Variants in KRIT1 observed in about 807,000 individuals in gnomAD.
KRIT1 encodes krev interaction trapped protein 1.
A neutral mutation model predicts 95.8 loss-of-function variants in KRIT1; 45 were observed. The ratio of observed to expected loss-of-function variants is 0.47; its 90% confidence interval spans 0.37 to 0.60. KRIT1 has a LOEUF of 0.60. KRIT1 is among the 20% of genes least tolerant of loss of function. KRIT1 has a pLI of 0.00. For missense variants in KRIT1, 788 were observed against 877.5 expected (o/e 0.90, Z 1.29); for synonymous variants, 282 against 278.8 (o/e 1.01, Z -0.11).
At position 92,199,945 on chromosome 7, in the gene KRIT1, A is replaced by T. The variant is rs1029443530; in HGVS notation, c.*791T>A. ...ATATCAGATTTACATTTTAACTAAG[A>T]CTTTTAAAAAAATGTTGAGAAATGT... On this transcript the variant is annotated 3_prime_UTR_variant, in exon 19 of 19. Coordinates refer to ENST00000394505, the MANE Select transcript of KRIT1 (RefSeq NM_194454.3). The T allele has an allele frequency of 6.6e-6, 1 of 152,334 alleles. No individual in the cohort carries two copies. Among genetic ancestry groups the T allele is most frequent in the Non-Finnish European group, 1.5e-5 (1 of 68,040 alleles). The allele number at this position is 152,334 out of a possible 1,614,324, so 9.4% of individuals were successfully genotyped here. A position where few individuals can be genotyped will look rare whatever the true frequency, so the allele number is the denominator to read the frequency against.
At chr7:92,236,332 G>C (rs528797769) in intron 7 of KRIT1, 81 bp downstream of exon 7, 4 of 889,800 alleles carry the variant, frequency 4.5e-6, no homozygotes, top group African/African-American at 1.7e-5. Flanking sequence ...TCTTCTCAAA[G>C]TGTCTGTATC....
rs1223084295 is a variant in KRIT1 at position 92,222,142 on chromosome 7, C to T, written c.1412-89G>A. On this transcript the variant is annotated intron_variant, in intron 13 of 18. Transcript: ENST00000394505. ...ACTTTGTATTAAACTGTCTGCACTT[C>T]TGTACTGAATACTCACAAATTAAAT... 2.9e-5 allele frequency: 28 copies of T among 960,118 alleles called. 2 individuals carry two copies. In the South Asian group the frequency reaches 3.2e-4, roughly 11 times the overall value. 59.5% of individuals were successfully genotyped at this position (960,118 alleles called of 1,614,324 possible).
intron 2 of KRIT1, among the ~76,000 whole-genome samples, chr7:92,244,415 A>G (rs958663870): frequency 6.6e-6 from 1 of 152,262 alleles, no homozygotes; most frequent in Non-Finnish European, 1.5e-5. Context: ...TTTAAAAGGT[A>G]AACAAATGTG....
At chr7:92,229,323 T>C (rs1796822906) in intron 10 of KRIT1, among the ~76,000 whole-genome samples, 1 of 152,150 alleles carries the variant, frequency 6.6e-6, no homozygotes, top group South Asian at 2.1e-4. Context: ...ACAGCTGCTC[T>C]GCACAGCAAA....
At chr7:92,231,195 C>T (rs1490738825) in intron 10 of KRIT1, among the ~76,000 whole-genome samples, 2 of 152,090 alleles carry the variant, frequency 1.3e-5, no homozygotes, top group Non-Finnish European at 2.9e-5. Flanking sequence ...GTTAAGTTCT[C>T]TACAAGGGGT....
At chr7:92,237,567 TTATAG>T (rs1481081888) in intron 6 of KRIT1, 95 bp downstream of exon 6, 1 of 601,742 alleles carries the variant, frequency 1.7e-6, no homozygotes, top group African/African-American at 1.9e-5. Context: ...TTTTATAATA[TTATAG>T]TAGTAACTAT....
intron 14 of KRIT1, among the ~76,000 whole-genome samples, chr7:92,218,162 C>T (rs1030801558): frequency 6.6e-6 from 1 of 152,128 alleles, no homozygotes; most frequent in Non-Finnish European, 1.5e-5. Flanking sequence ...AGAGATCCTC[C>T]TGTCTCACTC....
intron 17 of KRIT1, among the ~76,000 whole-genome samples, chr7:92,203,576 C>T (rs1790701761): frequency 6.6e-6 from 1 of 152,170 alleles, no homozygotes; most frequent in Admixed American, 6.5e-5. Flanking sequence ...TTACTGCTAA[C>T]TCATTTATTT....
At chr7:92,210,592 A>G (rs1040231317) in intron 17 of KRIT1, among the ~76,000 whole-genome samples, 2 of 152,352 alleles carry the variant, frequency 1.3e-5, no homozygotes, top group Admixed American at 6.5e-5. Context: ...AGAAGAAAAC[A>G]TAAGGGAAAT....
At chr7:92,230,519 A>G (rs1037396293) in intron 10 of KRIT1, among the ~76,000 whole-genome samples, 3 of 152,192 alleles carry the variant, frequency 2.0e-5, no homozygotes, top group Non-Finnish European at 2.9e-5. Context: ...AAGGTTTATG[A>G]AGAGTGAAAA....
Position 92,222,983 on chromosome 7 carries a change from A to G in KRIT1, c.1255-5T>C. On this transcript the variant is annotated splice_polypyrimidine_tract_variant and splice_region_variant and intron_variant, in intron 12 of 18. Transcript: ENST00000394505. ...GTATATTCGAACTTTTTCATACTACAAGAAACGATAACTTACGTAACGAAC... is the reference window on the plus strand; with the variant it reads ...GTATATTCGAACTTTTTCATACTACGAGAAACGATAACTTACGTAACGAAC... 1 of 1,595,104 alleles carries G rather than the reference A, an allele frequency of 6.3e-7. No homozygotes were observed. The highest frequency in any genetic ancestry group is 1.1e-5 in the South Asian group (1 of 90,664).
intron 6 of KRIT1, among the ~76,000 whole-genome samples, 157 bp from the exon 7 acceptor site, chr7:92,236,699 C>T (rs1034912456): frequency 2.0e-5 from 3 of 152,162 alleles, no homozygotes; most frequent in African/African-American, 7.2e-5. Context: ...TGATGACTAG[C>T]TCTGTGACCT....
intron 17 of KRIT1, among the ~76,000 whole-genome samples, chr7:92,211,384 T>G (rs571012376): frequency 6.6e-6 from 1 of 152,164 alleles, no homozygotes; most frequent in Admixed American, 6.5e-5. Context: ...ATGAATGGAA[T>G]TGGAGGTCAT....
intron 17 of KRIT1, among the ~76,000 whole-genome samples, chr7:92,201,773 G>C (rs1415044427): frequency 6.6e-6 from 1 of 151,920 alleles, no homozygotes; most frequent in Non-Finnish European, 1.5e-5. Context: ...ACTTATGAGT[G>C]AGAACATGCG....
intron 17 of KRIT1, among the ~76,000 whole-genome samples, chr7:92,209,670 G>A (rs1792343901): frequency 6.6e-6 from 1 of 152,122 alleles, no homozygotes; most frequent in East Asian, 1.9e-4. Flanking sequence ...AAAGACCTCT[G>A]TAATGAAAAC....
At chr7:92,226,414 A>G (rs1796218915) in intron 11 of KRIT1, 112 bp downstream of exon 11, 2 of 834,076 alleles carry the variant, frequency 2.4e-6, no homozygotes, top group African/African-American at 3.4e-5. Flanking sequence ...AAGTAATGGA[A>G]TTTATTTTTA....
rs189642895 is a variant in KRIT1, at chr7:92,220,449, G to A, written c.1563+1453C>T. ...TATCTTTGGCTTGATAATATAAAAG[G>A]AGCAATATATATAGTTATGTACAAA... On this transcript the variant is annotated intron_variant, in intron 14 of 18. Transcript: ENST00000394505. 5.3e-5 allele frequency among the ~76,000 whole-genome samples: 8 copies of A among 152,182 alleles called. No individual in the cohort carries two copies. In the East Asian group the frequency reaches 1.2e-3, roughly 22 times the overall value.
chr7:92,224,530 TTGAG>T (rs575983677), intron 12 of KRIT1, among the ~76,000 whole-genome samples: 7 of 152,172 alleles, frequency 4.6e-5, no homozygotes, highest in East Asian at 3.8e-4. Flanking sequence ...TTAGGCATAA[TTGAG>T]TTTCTTCTCA....
chr7:92,205,088 T>C (rs890018504), intron 17 of KRIT1, among the ~76,000 whole-genome samples: 1 of 152,212 alleles, frequency 6.6e-6, no homozygotes, highest in Non-Finnish European at 1.5e-5. Context: ...GGCTCATACC[T>C]GTAATCCCAG....
Sources: allele counts gnomAD v4.1 joint callset (sites outside exome capture counted in the v4.1 genomes callset), GRCh38; gene constraint gnomAD v4.1.1; transcripts MANE v1.5; gene names NCBI Gene and HGNC (gene_info 2026-07-23, HGNC 2026-07-21).